FBXO11: variants seen among roughly 807,000 people sequenced by gnomAD.
FBXO11 encodes the protein F-box protein 11, also known as F-box only protein 11.
FBXO11 carries 13 observed loss-of-function variants against 117.0 expected under a neutral mutation model. That is an observed-to-expected ratio of 0.11 (90% confidence interval 0.07 to 0.18). FBXO11 has a LOEUF of 0.18. FBXO11 is among the 10% of genes least tolerant of loss of function. FBXO11 has a pLI of 1.00. For missense variants in FBXO11, 767 were observed against 1,164.4 expected, an observed-to-expected ratio of 0.66 and a Z score of 4.97; for synonymous variants, 490 against 380.5, an observed-to-expected ratio of 1.29 and a Z score of -3.35.
chr2:47,856,617 AC>A (rs1233628336), intron 1 of FBXO11, among the ~76,000 whole-genome samples: 1 of 152,244 alleles, frequency 6.6e-6, no homozygotes, highest in African/African-American at 2.4e-5. Flanking sequence ...TGAGTGGCCT[AC>A]GGACAGTTGT....
In FBXO11 at chr2:47,855,613, C is replaced by A. The variant is rs573385128; in HGVS notation, c.233-15844G>T. 5.3e-4 allele frequency among the ~76,000 whole-genome samples: 80 copies of A among 152,238 alleles called. 2 individuals are homozygous for A. In the South Asian group the frequency reaches 0.016, roughly 30 times the overall value. ...CTTTGGGAGGCCAGAGTGGGCTGAT[C>A]ACCTGAAGTCAGGAGTTCGAGACCA... On this transcript the variant is annotated intron_variant, in intron 1 of 22. Transcript: ENST00000403359.
intron 21 of FBXO11, 169 bp downstream of exon 21, chr2:47,808,989 G>A (rs547951571): frequency 2.2e-5 from 11 of 508,608 alleles, no homozygotes; most frequent in East Asian, 1.4e-4. Context: ...AAGCCACCAC[G>A]CCTACCCACA....
intron 1 of FBXO11, among the ~76,000 whole-genome samples, chr2:47,873,416 G>A (rs1286942217): frequency 6.6e-6 from 1 of 152,092 alleles, no homozygotes; most frequent in Admixed American, 6.5e-5. Context: ...GTGCTCCTGG[G>A]TTTTATCCTT....
rs77508635 is a variant in FBXO11, at chr2:47,829,968, C to A, written c.1398+2381G>T. ...AAAAATGTAAAAATTAAAGGCAACA[C>A]CCACACTGGAAGCAAAATAGCAGCA... On this transcript the variant is annotated intron_variant, in intron 11 of 22. Transcript: ENST00000403359. Among the ~76,000 whole-genome samples, 212 of 152,096 alleles carry A rather than the reference C, an allele frequency of 1.4e-3. 1 individual carries two copies. The highest frequency in any genetic ancestry group is 0.01 in the Middle Eastern group (3 of 294).
chr2:47,807,013 A>G lies in FBXO11; in HGVS notation c.*1105T>C. 1.5e-6 allele frequency: 1 copy of G among 669,620 alleles called. No individual in the cohort carries two copies. The highest frequency in any genetic ancestry group is 2.6e-6 in the Non-Finnish European group (1 of 380,536). 41.5% of individuals were successfully genotyped at this position (669,620 alleles called of 1,614,324 possible). ...CTTTTAATTCTTATCTACCTTCTAC[A>G]TAATGGTTATTGAATACTCCACAAT... On this transcript the variant is annotated 3_prime_UTR_variant, in exon 23 of 23. Coordinates refer to ENST00000403359, the MANE Select transcript of FBXO11 (RefSeq NM_001190274.2).
At position 47,809,229 on chromosome 2, in the gene FBXO11, C is replaced by CT; in HGVS notation, c.2483dup (p.Ala829GlyfsTer3). The CT allele has an allele frequency of 6.2e-7, 1 of 1,604,344 alleles. No individual in the cohort carries two copies. Among genetic ancestry groups the CT allele is most frequent in the Non-Finnish European group, 8.5e-7 (1 of 1,173,372 alleles). On this transcript the variant is annotated frameshift_variant, in exon 21 of 23. Transcript: ENST00000403359. LOFTEE classifies it high-confidence loss of function. The stretch of plus-strand genomic sequence containing the variant: ...ATAAACATTGGCCTCTACTAACAGC[C>CT]TTTTCTATGGCATCTTGATTGTTCA...
At chr2:47,854,105 C>T (rs1674087649) in intron 1 of FBXO11, among the ~76,000 whole-genome samples, 1 of 152,018 alleles carries the variant, frequency 6.6e-6, no homozygotes, top group Non-Finnish European at 1.5e-5. Context: ...TAATTCTTTC[C>T]GAACTATAAA....
chr2:47,898,821 C>T (rs1677873266), intron 1 of FBXO11, among the ~76,000 whole-genome samples: 1 of 152,040 alleles, frequency 6.6e-6, no homozygotes, highest in Non-Finnish European at 1.5e-5. Flanking sequence ...AACATTCTGC[C>T]AAATGTATTT....
intron 1 of FBXO11, among the ~76,000 whole-genome samples, chr2:47,874,141 G>C (rs1176604205): frequency 6.6e-6 from 1 of 152,156 alleles, no homozygotes; most frequent in Non-Finnish European, 1.5e-5. Flanking sequence ...TTGAACCTGG[G>C]AGGCGGAGCT....
intron 16 of FBXO11, 187 bp downstream of exon 16, chr2:47,818,592 C>G: frequency 1.8e-6 from 1 of 542,188 alleles, no homozygotes; most frequent in Non-Finnish European, 3.3e-6. Flanking sequence ...GTGCCAGTGG[C>G]TTCTGTCCTC....
chr2:47,809,998 G>T, intron 19 of FBXO11: 1 of 486,424 alleles, frequency 2.1e-6, no homozygotes, highest in Admixed American at 3.8e-5. Flanking sequence ...TTCTGTTGCA[G>T]ATTTAAACTG....
intron 1 of FBXO11, among the ~76,000 whole-genome samples, chr2:47,847,524 C>A (rs953104165): frequency 1.4e-4 from 21 of 151,922 alleles, no homozygotes; most frequent in African/African-American, 4.8e-4. Flanking sequence ...GCCTGGTCAA[C>A]ATGGTGAAAC....
chr2:47,819,347 C>G (rs2104705528), intron 14 of FBXO11, among the ~76,000 whole-genome samples: 1 of 152,258 alleles, frequency 6.6e-6, no homozygotes, highest in Non-Finnish European at 1.5e-5. Flanking sequence ...TCCCAAGTAG[C>G]TAGGATTACA....
intron 3 of FBXO11, 96 bp downstream of exon 3, chr2:47,839,323 G>A (rs377313442): frequency 1.8e-6 from 2 of 1,093,576 alleles, no homozygotes; most frequent in East Asian, 2.5e-5. Context: ...GAATCCCAAA[G>A]GTAATACTCG....
At chr2:47,872,320 C>A (rs1675682754) in intron 1 of FBXO11, among the ~76,000 whole-genome samples, 1 of 152,142 alleles carries the variant, frequency 6.6e-6, no homozygotes, top group Admixed American at 6.5e-5. Context: ...AAACTATTTT[C>A]ATTATTGTAT....
intron 1 of FBXO11, among the ~76,000 whole-genome samples, chr2:47,841,380 T>A (rs778298699): frequency 6.6e-6 from 1 of 152,150 alleles, no homozygotes; most frequent in Non-Finnish European, 1.5e-5. Flanking sequence ...CATTCTGCTA[T>A]CTCTAATGAG....
chr2:47,814,656 G>A (rs1222258337), intron 16 of FBXO11, among the ~76,000 whole-genome samples: 2 of 152,118 alleles, frequency 1.3e-5, no homozygotes, highest in Non-Finnish European at 2.9e-5. Flanking sequence ...TGGGATTACA[G>A]GCATGATCTA....
intron 1 of FBXO11, among the ~76,000 whole-genome samples, chr2:47,881,998 T>C (rs1366653510): frequency 6.6e-6 from 1 of 152,186 alleles, no homozygotes; most frequent in East Asian, 1.9e-4. Flanking sequence ...TCTGCCTATT[T>C]TGGCCTCCCA....
intron 1 of FBXO11, among the ~76,000 whole-genome samples, chr2:47,898,638 C>T (rs1342571970): frequency 6.6e-6 from 1 of 152,098 alleles, no homozygotes; most frequent in East Asian, 1.9e-4. Flanking sequence ...TGAGACAAAT[C>T]TACATGAGAG....
Sources: allele counts gnomAD v4.1 joint callset (sites outside exome capture counted in the v4.1 genomes callset), GRCh38; gene constraint gnomAD v4.1.1; transcripts MANE v1.5; gene names NCBI Gene and HGNC (gene_info 2026-07-23, HGNC 2026-07-21).